Variants in LYPLAL1 observed in about 807,000 individuals in gnomAD.
LYPLAL1 encodes lysophospholipase-like protein 1.
Under a neutral mutation model 19.7 loss-of-function variants are expected in LYPLAL1, and 23 were observed. The observed-to-expected ratio is 1.17, with a 90% CI of 0.84 to 1.65. The LOEUF is 1.65. Among genes scored for constraint, LYPLAL1 ranks in the 40% most tolerant of loss-of-function variants. The pLI, the probability that LYPLAL1 is intolerant of heterozygous loss-of-function variation, is 0.00. For missense variants in LYPLAL1, 355 were observed against 279.4 expected (o/e 1.27, Z -1.93); for synonymous variants, 119 against 96.3 (o/e 1.24, Z -1.38).
rs1477646324 is a variant in LYPLAL1, at chr1:219,211,744, T to TTTG, written c.*19_*21dup. The TTTG allele has an allele frequency of 6.6e-7, 1 of 1,525,694 alleles. No individual in the cohort carries two copies. The highest frequency in any genetic ancestry group is 1.4e-5 in the African/African-American group (1 of 72,624). 94.5% of individuals were successfully genotyped at this position (1,525,694 alleles called of 1,614,324 possible). A position where few individuals can be genotyped will look rare whatever the true frequency, so the allele number is the denominator to read the frequency against. On this transcript the variant is annotated 3_prime_UTR_variant, in exon 5 of 5. Transcript: ENST00000366928. Reference sequence around the variant, plus strand: ...ACAAAAATGAATGAATCAAGAGTGATTTGTTAATGTAAGTGTAATGTCTTT... The same window carrying TTTG: ...ACAAAAATGAATGAATCAAGAGTGATTTGTTGTTAATGTAAGTGTAATGTCTTT...
chr1:219,389,843 A>G, the LYPLAL1 span, among the ~76,000 whole-genome samples: 2 of 152,230 alleles, frequency 1.3e-5, no homozygotes, highest in African/African-American at 4.8e-5. Flanking sequence ...AGAATGGATG[A>G]TAAAGGCAAT....
chr1:219,439,762 A>T, the LYPLAL1 span, among the ~76,000 whole-genome samples: 2 of 151,924 alleles, frequency 1.3e-5, no homozygotes, highest in African/African-American at 2.4e-5. Flanking sequence ...GAAAGCATAT[A>T]TATTATAACT....
the LYPLAL1 span, among the ~76,000 whole-genome samples, chr1:219,285,987 A>G: frequency 3.3e-5 from 5 of 152,308 alleles, no homozygotes; most frequent in South Asian, 4.1e-4. Flanking sequence ...TAGAGATAGA[A>G]ATAGAAATAG....
chr1:219,445,415 G>T, the LYPLAL1 span, among the ~76,000 whole-genome samples: 4 of 105,438 alleles, frequency 3.8e-5, no homozygotes, highest in Admixed American at 2.4e-4. Context: ...AATTGGGGGG[G>T]GGGCGGTGGG....
Position 219,193,001 on chromosome 1 carries a change from T to A in LYPLAL1, c.192-81T>A, listed in dbSNP as rs1269480388. ...AATTGAAATCATTTATTCAAAACACTATTATTTTGGTAATTAAAGCATCCA... is the reference window on the plus strand; with the variant it reads ...AATTGAAATCATTTATTCAAAACACAATTATTTTGGTAATTAAAGCATCCA... On this transcript the variant is annotated intron_variant, in intron 2 of 4. Coordinates refer to ENST00000366928, the MANE Select transcript of LYPLAL1 (RefSeq NM_138794.5). The A allele has an allele frequency of 3.0e-6, 4 of 1,349,592 alleles. No individual in the cohort carries two copies. The East Asian group carries it at 9.6e-5, about 32-fold the overall frequency. The allele number at this position is 1,349,592 out of a possible 1,614,324, so 83.6% of individuals were successfully genotyped here.
chr1:219,253,463 C>A, the LYPLAL1 span, among the ~76,000 whole-genome samples: 1 of 151,958 alleles, frequency 6.6e-6, no homozygotes, highest in Non-Finnish European at 1.5e-5. Context: ...TCCAGAGATT[C>A]TGGTATGTTG....
the LYPLAL1 span, among the ~76,000 whole-genome samples, chr1:219,259,881 A>G: frequency 6.6e-6 from 1 of 152,024 alleles, no homozygotes; most frequent in Admixed American, 6.6e-5. Context: ...TTATTTAAAA[A>G]TTGAAATATT....
At chr1:219,309,232 TG>T in the LYPLAL1 span, among the ~76,000 whole-genome samples, 1 of 152,198 alleles carries the variant, frequency 6.6e-6, no homozygotes, top group African/African-American at 2.4e-5. Context: ...CCATCTGGAA[TG>T]GCTGTATTTA....
chr1:219,267,640 A>G, the LYPLAL1 span, among the ~76,000 whole-genome samples: 1 of 152,160 alleles, frequency 6.6e-6, no homozygotes, highest in Non-Finnish European at 1.5e-5. Flanking sequence ...CCATTCCTTC[A>G]TTCAGTTATT....
the LYPLAL1 span, among the ~76,000 whole-genome samples, chr1:219,407,202 G>C: frequency 5.3e-5 from 8 of 152,242 alleles, no homozygotes; most frequent in African/African-American, 1.9e-4. Flanking sequence ...CTGGCTAGAG[G>C]GAGGCTAGGA....
At chr1:219,379,550 C>T in the LYPLAL1 span, among the ~76,000 whole-genome samples, 1 of 152,210 alleles carries the variant, frequency 6.6e-6, no homozygotes, top group African/African-American at 2.4e-5. Context: ...AGGAGGGTCT[C>T]TGTTGGGTCT....
intron 3 of LYPLAL1, among the ~76,000 whole-genome samples, chr1:219,197,817 A>G (rs932137794): frequency 2.0e-5 from 3 of 152,220 alleles, no homozygotes; most frequent in Non-Finnish European, 2.9e-5. Flanking sequence ...GGCAAAGTAC[A>G]TGAACAGATG....
At chr1:219,256,771 A>G in the LYPLAL1 span, among the ~76,000 whole-genome samples, 4 of 152,058 alleles carry the variant, frequency 2.6e-5, no homozygotes, top group East Asian at 7.7e-4. Context: ...GTCATATTTT[A>G]CTTCAAATTA....
chr1:219,363,292 A>T, the LYPLAL1 span, among the ~76,000 whole-genome samples: 1 of 152,162 alleles, frequency 6.6e-6, no homozygotes, highest in Admixed American at 6.5e-5. Context: ...TAAACCAGCC[A>T]CTATTTAGCA....
chr1:219,210,373 T>A (rs1165168979), intron 3 of LYPLAL1, 159 bp from the exon 4 acceptor site: 1 of 478,840 alleles, frequency 2.1e-6, no homozygotes, highest in Non-Finnish European at 3.6e-6. Context: ...ATTTATGTTA[T>A]CGCAGGCCTT....
At chr1:219,344,770 A>G in the LYPLAL1 span, among the ~76,000 whole-genome samples, 2 of 152,206 alleles carry the variant, frequency 1.3e-5, no homozygotes, top group South Asian at 2.1e-4. Flanking sequence ...CTTCTATTTT[A>G]CTTGTTCCAA....
the LYPLAL1 span, among the ~76,000 whole-genome samples, chr1:219,289,077 T>TG: frequency 4.9e-5 from 6 of 121,958 alleles, no homozygotes; most frequent in African/African-American, 1.4e-4. Context: ...CCTCTTGTTT[T>TG]GTTTTTTTTG....
chr1:219,185,098 A>G (rs989705825), intron 2 of LYPLAL1, among the ~76,000 whole-genome samples: 18 of 151,896 alleles, frequency 1.2e-4, no homozygotes, highest in African/African-American at 4.3e-4. Context: ...CAGGATATTC[A>G]GATTTTATAT....
the LYPLAL1 span, among the ~76,000 whole-genome samples, chr1:219,249,370 C>T: frequency 2.0e-5 from 3 of 152,014 alleles, no homozygotes; most frequent in Admixed American, 2.0e-4. Flanking sequence ...ATTCATAATA[C>T]TGAATGTAAT....
Sources: allele counts gnomAD v4.1 joint callset (sites outside exome capture counted in the v4.1 genomes callset), GRCh38; gene constraint gnomAD v4.1.1; transcripts MANE v1.5; gene names NCBI Gene and HGNC (gene_info 2026-07-23, HGNC 2026-07-21).